The following PIEZO2 variants were observed in gnomAD, a reference collection of about 807,000 sequenced individuals.
PIEZO2 encodes the protein piezo-type mechanosensitive ion channel component 2.
In PIEZO2, 172 loss-of-function variants were observed where a neutral mutation model predicts 337.3. That is an observed-to-expected ratio of 0.51 (90% CI 0.45 to 0.58). PIEZO2 has a LOEUF of 0.58. PIEZO2 is among the 20% of genes least tolerant of loss of function. The pLI is 0.00. For missense variants in PIEZO2, 3,028 were observed against 3,391.3 expected, an observed-to-expected ratio of 0.89 and a Z score of 2.66; for synonymous variants, 1,251 against 1,228.5, an observed-to-expected ratio of 1.02 and a Z score of -0.38.
chr18:10,692,716 T>C (rs565457791), intron 47 of PIEZO2, among the ~76,000 whole-genome samples: 6 of 152,350 alleles, frequency 3.9e-5, no homozygotes, highest in African/African-American at 9.6e-5. Flanking sequence ...TTCTGTTCCA[T>C]TGTTCTGTTC....
intron 1 of PIEZO2, among the ~76,000 whole-genome samples, chr18:11,086,215 T>C (rs2038903432): frequency 6.6e-6 from 1 of 152,042 alleles, no homozygotes; most frequent in Non-Finnish European, 1.5e-5. Flanking sequence ...GATACGAAAA[T>C]TCGACAGAGA....
Position 10,736,936 on chromosome 18 carries a change from G to A in PIEZO2, c.4709-226C>T, listed in dbSNP as rs8098584. ...GAGTATGAGGCCTTGTCTTTGCCAT[G>A]TAAGAGAACTGGCCACTACAGGGTG... On this transcript the variant is annotated intron_variant, in intron 33 of 55. Coordinates refer to ENST00000674853, the MANE Select transcript of PIEZO2 (RefSeq NM_001378183.1). Among the ~76,000 whole-genome samples, 127,269 of 152,128 alleles carry A rather than the reference G, an allele frequency of 0.84. 53,774 individuals are homozygous for A. Among genetic ancestry groups the A allele is most frequent in the African/African-American group, 0.96 (39,841 of 41,516 alleles).
chr18:10,716,302 C>A lies in PIEZO2; in HGVS notation c.5090-486G>T, dbSNP rs1301037626. On this transcript the variant is annotated intron_variant, in intron 37 of 55. Coordinates refer to ENST00000674853, the MANE Select transcript of PIEZO2 (RefSeq NM_001378183.1). The surrounding 1 kb of genome is among the most constrained non-coding windows in gnomAD (Gnocchi z 4.1). The stretch of plus-strand genomic sequence containing the variant: ...AAGGGAAGGACGATGAGGATGAGAG[C>A]TTTATGATGGTCCACTTCCATTTAC... 1.3e-5 allele frequency among the ~76,000 whole-genome samples: 2 copies of A among 152,168 alleles called. No homozygotes were observed. The highest frequency in any genetic ancestry group is 2.9e-5 in the Non-Finnish European group (2 of 68,030).
chr18:10,964,436 A>C (rs1228837315), intron 3 of PIEZO2, among the ~76,000 whole-genome samples: 1 of 152,234 alleles, frequency 6.6e-6, no homozygotes, highest in African/African-American at 2.4e-5. Flanking sequence ...ACAGAAATAA[A>C]CACAAATAGT....
intron 43 of PIEZO2, among the ~76,000 whole-genome samples, chr18:10,701,482 G>A (rs1277145559): frequency 6.6e-6 from 1 of 152,198 alleles, no homozygotes; most frequent in Non-Finnish European, 1.5e-5. Context: ...AGAATATGTG[G>A]TTTCTCACCA....
At chr18:10,884,091 G>C (rs919879898) in intron 4 of PIEZO2, among the ~76,000 whole-genome samples, 16 of 152,134 alleles carry the variant, frequency 1.1e-4, no homozygotes, top group African/African-American at 3.9e-4. Context: ...GATTACAGGC[G>C]TAAGCCACCG....
At position 11,080,905 on chromosome 18, in the gene PIEZO2, C is replaced by A. The variant is rs1598928685; in HGVS notation, c.65-14683G>T. Among the ~76,000 whole-genome samples, 1 of 152,176 alleles carries A rather than the reference C, an allele frequency of 6.6e-6. No homozygotes were observed. The highest frequency in any genetic ancestry group is 6.5e-5 in the Admixed American group (1 of 15,272). On this transcript the variant is annotated intron_variant, in intron 1 of 55. Transcript: ENST00000674853. This position sits in a 1 kb window ranked among gnomAD's most constrained non-coding sequence, Gnocchi z 5.4. ...CAGAGATATCAGAGAAAAGTTATCA[C>A]ACCTGACCAATGGAGTCAACGTCCA...
rs184407589 is a variant in PIEZO2, at chr18:11,026,443, G to C, written c.160+39684C>G. Among the ~76,000 whole-genome samples the C allele has an allele frequency of 1.3e-4, 20 of 152,210 alleles. No homozygotes were observed. In the East Asian group the frequency reaches 2.7e-3, roughly 21 times the overall value. ...CTGTGACTTCCCCGTTCCCGGAGTGGCTCCTCAGCACCACCTACACCCTCT... is the reference window on the plus strand; with the variant it reads ...CTGTGACTTCCCCGTTCCCGGAGTGCCTCCTCAGCACCACCTACACCCTCT... On this transcript the variant is annotated intron_variant, in intron 2 of 55. Transcript: ENST00000674853.
rs1372171959 is a variant in PIEZO2, at chr18:10,713,220, G to A, written c.5423+1544C>T. On this transcript the variant is annotated intron_variant, in intron 39 of 55. Transcript: ENST00000674853. The surrounding 1 kb of genome is among the most constrained non-coding windows in gnomAD (Gnocchi z 4.5). ...TTTTACTGTGTATATATATCACAAAGATCTTTTCATACCAATAAATATGGA... is the reference window on the plus strand; with the variant it reads ...TTTTACTGTGTATATATATCACAAAAATCTTTTCATACCAATAAATATGGA... 6.6e-6 allele frequency among the ~76,000 whole-genome samples: 1 copy of A among 152,136 alleles called. No individual in the cohort carries two copies. The highest frequency in any genetic ancestry group is 2.1e-4 in the South Asian group (1 of 4,818).
intron 2 of PIEZO2, among the ~76,000 whole-genome samples, chr18:11,030,342 AAG>A (rs749726499): frequency 2.0e-5 from 3 of 152,224 alleles, no homozygotes; most frequent in Non-Finnish European, 4.4e-5. Flanking sequence ...TAATCAAGAA[AAG>A]AGAGTATTGC....
rs1033029864 is a variant in PIEZO2 at position 11,028,989 on chromosome 18, A to G, written c.160+37138T>C. Among the ~76,000 whole-genome samples, 1 of 152,218 alleles carries G rather than the reference A, an allele frequency of 6.6e-6. No individual in the cohort carries two copies. The highest frequency in any genetic ancestry group is 2.4e-5 in the African/African-American group (1 of 41,450). On this transcript the variant is annotated intron_variant, in intron 2 of 55. Coordinates refer to ENST00000674853, the MANE Select transcript of PIEZO2 (RefSeq NM_001378183.1). This position sits in a 1 kb window ranked among gnomAD's most constrained non-coding sequence, Gnocchi z 4.8. The stretch of plus-strand genomic sequence containing the variant: ...AACACCAGTTTTAAGCTGCACCGTC[A>G]GTTATTTAAATAGAAATTGAGGGGA...
At chr18:10,744,541 T>A in intron 30 of PIEZO2, among the ~76,000 whole-genome samples, 1 of 152,214 alleles carries the variant, frequency 6.6e-6, no homozygotes, top group East Asian at 1.9e-4. Flanking sequence ...CCTGTCCCAC[T>A]GAACGTTAGA....
intron 5 of PIEZO2, among the ~76,000 whole-genome samples, chr18:10,869,288 A>G (rs533224339): frequency 5.7e-4 from 86 of 152,212 alleles, no homozygotes; most frequent in African/African-American, 1.8e-3. Context: ...AGTCCACTCA[A>G]TTTTCAATAC....
At chr18:11,075,786 C>CT (rs147029235) in intron 1 of PIEZO2, among the ~76,000 whole-genome samples, 1,976 of 125,232 alleles carry the variant, frequency 0.016, 34 homozygotes, top group African/African-American at 0.036. Context: ...AGATATATTT[C>CT]TTTTTTTTTT....
intron 49 of PIEZO2, among the ~76,000 whole-genome samples, chr18:10,684,194 C>T (rs1490317216): frequency 1.0e-5 from 1 of 97,236 alleles, no homozygotes; most frequent in African/African-American, 4.2e-5. Flanking sequence ...GAGACGGAGT[C>T]TTGCTCTGTC....
In PIEZO2 at chr18:10,746,626, G is replaced by A. The variant is rs533881358; in HGVS notation, c.4424+1845C>T. Among the ~76,000 whole-genome samples the A allele has an allele frequency of 2.0e-5, 3 of 152,258 alleles. No homozygotes were observed. The highest frequency in any genetic ancestry group is 2.1e-4 in the South Asian group (1 of 4,828). The stretch of plus-strand genomic sequence containing the variant: ...TGGAAATCCTGACTCCCAAGGTGAC[G>A]GACAGGAGGTAAGGCCTTTTGGAGT... On this transcript the variant is annotated intron_variant, in intron 30 of 55. Coordinates refer to ENST00000674853, the MANE Select transcript of PIEZO2 (RefSeq NM_001378183.1). The surrounding 1 kb of genome is among the most constrained non-coding windows in gnomAD (Gnocchi z 4.2).
intron 7 of PIEZO2, among the ~76,000 whole-genome samples, chr18:10,822,684 G>A (rs1214122438): frequency 6.6e-6 from 1 of 152,114 alleles, no homozygotes; most frequent in Non-Finnish European, 1.5e-5. Context: ...AGCAGGAGCC[G>A]GCTCACCACA....
At chr18:10,931,417 T>G (rs959706306) in intron 3 of PIEZO2, among the ~76,000 whole-genome samples, 1 of 152,092 alleles carries the variant, frequency 6.6e-6, no homozygotes, top group Admixed American at 6.6e-5. Context: ...GCCAGGGTGG[T>G]CTCGATCTCC....
chr18:10,873,445 C>T (rs934569309), intron 4 of PIEZO2, among the ~76,000 whole-genome samples: 6 of 152,200 alleles, frequency 3.9e-5, no homozygotes, highest in Admixed American at 2.6e-4. Flanking sequence ...TATGTATCCA[C>T]ATGGCCTTCC....
Sources: gnomAD v4.1 joint callset for allele counts (sites outside exome capture counted in the v4.1 genomes callset) on GRCh38, gnomAD v4.1.1 for gene constraint, Gnocchi (gnomAD v3.1) non-coding constraint, MANE v1.5 for transcripts, NCBI Gene and HGNC (gene_info 2026-07-23, HGNC 2026-07-21) for gene names.